The following BRF1 variants were observed in gnomAD, a reference collection of about 807,000 sequenced individuals.
The protein encoded by BRF1 is transcription factor IIIB 90 kDa subunit.
BRF1 carries 59 observed loss-of-function variants against 81.7 expected under a neutral mutation model. The ratio of observed to expected loss-of-function variants is 0.72; its 90% CI spans 0.59 to 0.90. The LOEUF is 0.90. Ranked by LOEUF, BRF1 falls within the 40% of genes least tolerant of loss-of-function variation. The pLI is 0.00. For missense variants in BRF1, 1,050 were observed against 936.3 expected, an observed-to-expected ratio of 1.12 and a Z score of -1.58; for synonymous variants, 491 against 395.6, an observed-to-expected ratio of 1.24 and a Z score of -2.86.
chr14:105,314,239 C>T (rs1361915600), intron 1 of BRF1, among the ~76,000 whole-genome samples: 2 of 139,772 alleles, frequency 1.4e-5, no homozygotes, highest in African/African-American at 5.3e-5. Context: ...GCCAACCCAG[C>T]GGGGGTCGGC....
intron 1 of BRF1, among the ~76,000 whole-genome samples, chr14:105,297,927 C>T (rs957790092): frequency 2.0e-5 from 3 of 152,186 alleles, no homozygotes; most frequent in South Asian, 2.1e-4. Flanking sequence ...AGCCAGGAGG[C>T]GGAGCTTGCA....
rs1335351355 is a variant in BRF1 at position 105,219,244 on chromosome 14, C to T, written c.1378-12G>A. ...TCATTCAGGATGTACTGGGCGAGCA[C>T]AGGGAAGTGGGGCTGGCTTTTAGCC... On this transcript the variant is annotated splice_polypyrimidine_tract_variant and intron_variant, in intron 12 of 17. Coordinates refer to ENST00000547530, the MANE Select transcript of BRF1 (RefSeq NM_001519.4). 2.5e-6 allele frequency: 4 copies of T among 1,609,674 alleles called. No homozygotes were observed. The highest frequency in any genetic ancestry group is 3.4e-6 in the Non-Finnish European group (4 of 1,176,774).
At chr14:105,265,054 G>GTTTTTTTTTTTTTTTTTTTTTTTTTTT (rs587673120) in intron 3 of BRF1, among the ~76,000 whole-genome samples, 2 of 130,110 alleles carry the variant, frequency 1.5e-5, no homozygotes, top group Non-Finnish European at 1.6e-5. Context: ...CCTTTTTTTT[G>GTTTTTTTTTTTTTTTTTTTTTTTTTTT]TTTTTTTTTT....
At chr14:105,228,694 T>C in intron 7 of BRF1, 126 bp downstream of exon 7, 1 of 1,071,228 alleles carries the variant, frequency 9.3e-7, no homozygotes. Flanking sequence ...CTGGGCTAGG[T>C]CCTGGCCAGC....
chr14:105,310,533 CAAAAAA>C (rs764203821), intron 1 of BRF1, among the ~76,000 whole-genome samples: 4 of 79,726 alleles, frequency 5.0e-5, no homozygotes, highest in Admixed American at 1.5e-4. Flanking sequence ...GACTCTGTCT[CAAAAAA>C]AAAAAAAAAA....
At chr14:105,249,499 A>C in intron 5 of BRF1, 9 of 926,912 alleles carry the variant, frequency 9.7e-6, no homozygotes, top group Non-Finnish European at 1.5e-5. Context: ...TCTACTGGGG[A>C]GGGACGGGTG....
intron 1 of BRF1, among the ~76,000 whole-genome samples, chr14:105,310,822 C>T (rs1450173505): frequency 6.6e-6 from 1 of 152,234 alleles, no homozygotes; most frequent in Non-Finnish European, 1.5e-5. Flanking sequence ...CCCCATCACA[C>T]AGAGATACTT....
intron 5 of BRF1, chr14:105,250,862 G>A: frequency 6.2e-6 from 4 of 642,158 alleles, no homozygotes; most frequent in South Asian, 6.1e-5. Flanking sequence ...AGGCATCTCT[G>A]GTACAGTGGG....
rs587752817 is a variant in BRF1, at chr14:105,269,281, G to A, written c.439+3440C>T. 2.2e-3 allele frequency among the ~76,000 whole-genome samples: 336 copies of A among 152,226 alleles called. 2 individuals carry two copies. The highest frequency in any genetic ancestry group is 7.1e-3 in the African/African-American group (294 of 41,540). On this transcript the variant is annotated intron_variant, in intron 3 of 17. Coordinates refer to ENST00000547530, the MANE Select transcript of BRF1 (RefSeq NM_001519.4). This position sits in a 1 kb window ranked among gnomAD's most constrained non-coding sequence, Gnocchi z 5.0. The stretch of plus-strand genomic sequence containing the variant: ...GGCTACAGCTACCCGAGACCAGCCC[G>A]AAGCATCCTCTGAGGATGCTGAAGG...
intron 6 of BRF1, 127 bp downstream of exon 6, chr14:105,241,138 C>G: frequency 6.9e-7 from 1 of 1,457,716 alleles, no homozygotes; most frequent in Non-Finnish European, 9.2e-7. Context: ...GAGTCAGCCC[C>G]GGGAGGCTGG....
At chr14:105,286,835 C>T (rs778733401) in intron 1 of BRF1, among the ~76,000 whole-genome samples, 2 of 152,202 alleles carry the variant, frequency 1.3e-5, no homozygotes, top group African/African-American at 2.4e-5. Context: ...CCAGAGTGGA[C>T]GCTGTCAAAT....
At chr14:105,215,583 GAC>G (rs1195426738) in intron 15 of BRF1, among the ~76,000 whole-genome samples, 4 of 141,848 alleles carry the variant, frequency 2.8e-5, no homozygotes, top group South Asian at 2.3e-4. Context: ...CAGGCACACA[GAC>G]ACAGGCGCAC....
At chr14:105,305,710 G>A (rs910115147), upstream of BRF1, among the ~76,000 whole-genome samples, 1 of 152,218 alleles carries the variant, frequency 6.6e-6, no homozygotes, top group Non-Finnish European at 1.5e-5. Context: ...GGACCGGTTA[G>A]GTGCCCCATG....
intron 2 of BRF1, among the ~76,000 whole-genome samples, chr14:105,285,973 G>A (rs1345950379): frequency 2.0e-5 from 3 of 152,172 alleles, no homozygotes; most frequent in Non-Finnish European, 4.4e-5. Flanking sequence ...TTGACAAAAC[G>A]CAGTGAGAAT....
intron 15 of BRF1, 38 bp downstream of exon 15, chr14:105,217,506 C>G (rs771680074): frequency 5.6e-6 from 9 of 1,594,778 alleles, no homozygotes; most frequent in African/African-American, 1.3e-5. Context: ...CCGCCCTGGG[C>G]TGCTGCCCTA....
At chr14:105,281,755 T>C (rs587705969) in intron 2 of BRF1, among the ~76,000 whole-genome samples, 1 of 152,184 alleles carries the variant, frequency 6.6e-6, no homozygotes, top group Admixed American at 6.5e-5. Context: ...TTTTTTTTTT[T>C]TTTAAATTCC....
chr14:105,301,810 T>C (rs1212734054), upstream of BRF1, among the ~76,000 whole-genome samples: 3 of 152,198 alleles, frequency 2.0e-5, no homozygotes, highest in Non-Finnish European at 4.4e-5. Context: ...ACAATCGCCA[T>C]AGGGCCGGTG....
intron 5 of BRF1, chr14:105,250,487 G>A: frequency 6.2e-7 from 1 of 1,614,058 alleles, no homozygotes; most frequent in Non-Finnish European, 8.5e-7. Flanking sequence ...GGTCCAGGTT[G>A]AACAAGACAC....
chr14:105,227,753 C>T (rs1450045220), intron 7 of BRF1: 2 of 152,294 alleles, frequency 1.3e-5, no homozygotes, highest in African/African-American at 2.4e-5. Context: ...AACGCCTCTA[C>T]ACGCTACACA....
Sources: gnomAD v4.1 joint callset for allele counts (sites outside exome capture counted in the v4.1 genomes callset) on GRCh38, gnomAD v4.1.1 for gene constraint, Gnocchi (gnomAD v3.1) non-coding constraint, MANE v1.5 for transcripts, NCBI Gene and HGNC (gene_info 2026-07-23, HGNC 2026-07-21) for gene names.